RELN: variants seen among roughly 807,000 people sequenced by gnomAD.
The protein encoded by RELN is reelin.
RELN carries 108 observed loss-of-function variants against 427.6 expected under a neutral mutation model. The observed-to-expected ratio is 0.25, with a 90% CI of 0.22 to 0.30. RELN has a LOEUF of 0.30. Ranked by LOEUF, RELN falls within the 10% of genes least tolerant of loss-of-function variation. RELN has a pLI of 1.00. For missense variants in RELN, 3,715 were observed against 4,302.8 expected (o/e 0.86, Z 3.82); for synonymous variants, 1,524 against 1,513.4 (o/e 1.01, Z -0.16).
chr7:103,725,980 T>G (rs183864178), intron 7 of RELN, among the ~76,000 whole-genome samples: 47 of 152,336 alleles, frequency 3.1e-4, no homozygotes, highest in African/African-American at 9.9e-4. Context: ...TGGTTCTTTT[T>G]CTTACAACTT....
At chr7:103,776,460 T>G in intron 4 of RELN, 97 bp downstream of exon 4, 1 of 1,224,756 alleles carries the variant, frequency 8.2e-7, no homozygotes, top group South Asian at 1.2e-5. Context: ...AGCTTACGAT[T>G]AAGTAATCAT....
intron 36 of RELN, among the ~76,000 whole-genome samples, chr7:103,560,333 A>C (rs775977671): frequency 5.9e-5 from 9 of 152,208 alleles, no homozygotes; most frequent in Non-Finnish European, 1.3e-4. Flanking sequence ...CACCTACTGA[A>C]TGGCACATGC....
intron 12 of RELN, among the ~76,000 whole-genome samples, chr7:103,658,909 T>C (rs538095048): frequency 5.3e-5 from 8 of 151,742 alleles, no homozygotes; most frequent in Non-Finnish European, 8.8e-5. Context: ...AATGACACCT[T>C]CCACCCACCT....
At chr7:103,740,107 A>G (rs1790603916) in intron 6 of RELN, among the ~76,000 whole-genome samples, 1 of 152,188 alleles carries the variant, frequency 6.6e-6, no homozygotes, top group South Asian at 2.1e-4. Flanking sequence ...TTGCACTAAT[A>G]AGACACCTGA....
chr7:103,715,588 A>G (rs1446852528), intron 8 of RELN, among the ~76,000 whole-genome samples: 2 of 152,202 alleles, frequency 1.3e-5, no homozygotes, highest in Non-Finnish European at 2.9e-5. Context: ...CAGATGGACA[A>G]TGACCACAGG....
rs374023221 is a variant in RELN, at chr7:103,779,373, A to T, written c.474-2746T>A. Among the ~76,000 whole-genome samples, 220 of 152,350 alleles carry T rather than the reference A, an allele frequency of 1.4e-3. 1 individual carries two copies. Among genetic ancestry groups the T allele is most frequent in the African/African-American group, 5.1e-3 (212 of 41,588 alleles). ...CTGCTTGGGAAAAGAAGTAGTAGTAATAATAATAGTGGCTAGTATATATAC... is the reference window on the plus strand; with the variant it reads ...CTGCTTGGGAAAAGAAGTAGTAGTATTAATAATAGTGGCTAGTATATATAC... On this transcript the variant is annotated intron_variant, in intron 3 of 64. Coordinates refer to ENST00000428762, the MANE Select transcript of RELN (RefSeq NM_005045.4).
intron 15 of RELN, 93 bp from the exon 16 acceptor site, chr7:103,650,476 C>A (rs773826178): frequency 1.7e-5 from 14 of 829,492 alleles, no homozygotes; most frequent in Non-Finnish European, 2.5e-5. Flanking sequence ...CTTCTGTGTG[C>A]TTGGAAAAGC....
chr7:103,744,040 G>C (rs1373783735), intron 6 of RELN, among the ~76,000 whole-genome samples: 1 of 152,100 alleles, frequency 6.6e-6, no homozygotes, highest in Non-Finnish European at 1.5e-5. Flanking sequence ...AAATGTAAAA[G>C]AACAGAAATT....
intron 2 of RELN, among the ~76,000 whole-genome samples, chr7:103,860,351 T>C (rs1283575561): frequency 2.0e-5 from 3 of 152,194 alleles, no homozygotes; most frequent in African/African-American, 4.8e-5. Flanking sequence ...AATTATTATA[T>C]GGAATAAGGC....
intron 2 of RELN, among the ~76,000 whole-genome samples, chr7:103,855,004 T>A (rs1478915998): frequency 6.6e-6 from 1 of 152,244 alleles, no homozygotes; most frequent in Non-Finnish European, 1.5e-5. Flanking sequence ...AGAATTAATG[T>A]ATAGCAGCAT....
Position 103,924,451 on chromosome 7 carries a change from G to A in RELN, c.227-7266C>T, listed in dbSNP as rs1157785164. Among the ~76,000 whole-genome samples the A allele has an allele frequency of 3.3e-5, 5 of 152,240 alleles. No individual in the cohort carries two copies. In the East Asian group the frequency reaches 9.6e-4, roughly 29 times the overall value. On this transcript the variant is annotated intron_variant, in intron 1 of 64. Transcript: ENST00000428762. ...GCCCTGGATCAGCCCACCTCTGAAA[G>A]CAAGCGGAGAATGCCGTGCAAATGC...
intron 1 of RELN, among the ~76,000 whole-genome samples, chr7:103,934,468 T>C (rs1480902209): frequency 6.6e-6 from 1 of 152,218 alleles, no homozygotes; most frequent in Non-Finnish European, 1.5e-5. Context: ...CAGATGATCA[T>C]ATCCTACATC....
intron 1 of RELN, among the ~76,000 whole-genome samples, chr7:103,934,790 T>C (rs1335602879): frequency 6.6e-6 from 1 of 152,138 alleles, no homozygotes; most frequent in Non-Finnish European, 1.5e-5. Flanking sequence ...TGGATTCCCA[T>C]TAATCTAGAG....
intron 3 of RELN, among the ~76,000 whole-genome samples, chr7:103,783,737 A>G (rs1395371265): frequency 1.3e-5 from 2 of 152,182 alleles, no homozygotes; most frequent in Admixed American, 1.3e-4. Context: ...TGGCAAATCA[A>G]TGAATGGTTA....
intron 56 of RELN, 95 bp from the exon 57 acceptor site, chr7:103,495,993 T>C: frequency 7.6e-7 from 1 of 1,312,898 alleles, no homozygotes; most frequent in Non-Finnish European, 1.1e-6. Flanking sequence ...GACCGATTTA[T>C]TGTTGAATTC....
intron 1 of RELN, among the ~76,000 whole-genome samples, chr7:103,986,053 A>G (rs1244993826): frequency 1.3e-5 from 2 of 152,204 alleles, no homozygotes. Context: ...TTGTGCAAAA[A>G]AAAAGGAAAT....
At chr7:103,862,409 T>TTCA (rs57691471) in intron 2 of RELN, among the ~76,000 whole-genome samples, 7,987 of 144,826 alleles carry the variant, frequency 0.055, 270 homozygotes, top group South Asian at 0.14. Flanking sequence ...TATGCTTTTG[T>TTCA]TCTATCTATC....
intron 2 of RELN, among the ~76,000 whole-genome samples, chr7:103,887,153 T>C (rs946679172): frequency 2.0e-5 from 3 of 152,222 alleles, no homozygotes; most frequent in African/African-American, 7.2e-5. Flanking sequence ...ACAAGGTGGC[T>C]GCTAAAGAGC....
In RELN at chr7:103,575,468, T is replaced by C; in HGVS notation, c.4303+80A>G. On this transcript the variant is annotated intron_variant, in intron 29 of 64. Transcript: ENST00000428762. ...AGGAATAAATTCAGAATTTATTTCT[T>C]TGGGAGAATAACATGAAACACAGCA... 4 of 1,419,948 alleles carry C rather than the reference T, an allele frequency of 2.8e-6. 1 individual carries two copies. Among genetic ancestry groups the C allele is most frequent in the African/African-American group, 2.8e-5 (2 of 71,142 alleles). The allele number at this position is 1,419,948 out of a possible 1,614,324, so 88.0% of individuals were successfully genotyped here.
Sources: allele counts gnomAD v4.1 joint callset (sites outside exome capture counted in the v4.1 genomes callset), GRCh38; gene constraint gnomAD v4.1.1; transcripts MANE v1.5; gene names NCBI Gene and HGNC (gene_info 2026-07-23, HGNC 2026-07-21).